Variants in CFAP61 observed in about 807,000 individuals in gnomAD.
The protein encoded by CFAP61 is cilia- and flagella-associated protein 61.
A neutral mutation model predicts 135.6 loss-of-function variants in CFAP61; 107 were observed. The observed-to-expected ratio is 0.79, with a 90% CI of 0.67 to 0.93. The LOEUF is 0.93. Among genes scored for constraint, CFAP61 ranks in the 40% least tolerant of loss-of-function variants. The pLI is 0.00. For missense variants in CFAP61, 1,507 were observed against 1,556.2 expected, an observed-to-expected ratio of 0.97 and a Z score of 0.53; for synonymous variants, 575 against 578.5, an observed-to-expected ratio of 0.99 and a Z score of 0.09.
chr20:20,197,588 C>T (rs1398445332), intron 16 of CFAP61, among the ~76,000 whole-genome samples: 4 of 152,094 alleles, frequency 2.6e-5, no homozygotes, highest in Non-Finnish European at 4.4e-5. Context: ...ATATACCACA[C>T]TCTCACACAC....
intron 25 of CFAP61, among the ~76,000 whole-genome samples, chr20:20,301,875 A>G (rs2056133949): frequency 6.6e-6 from 1 of 152,064 alleles, no homozygotes; most frequent in African/African-American, 2.4e-5. Context: ...GGTCTTGGGT[A>G]TTTTTGTCCT....
At chr20:20,081,378 T>G (rs1382022713) in intron 6 of CFAP61, among the ~76,000 whole-genome samples, 2 of 152,240 alleles carry the variant, frequency 1.3e-5, no homozygotes, top group Admixed American at 6.5e-5. Context: ...TTCAACTTAG[T>G]TATTCAGCAA....
At chr20:20,177,605 ATGTGCCAGCTTTATCCCAGGTGCTGGG>A (rs2054730065) in intron 13 of CFAP61, among the ~76,000 whole-genome samples, 1 of 151,626 alleles carries the variant, frequency 6.6e-6, no homozygotes, top group Admixed American at 6.6e-5. Flanking sequence ...GACTGCATAC[ATGTGCCAGCTTTATCCCAGGTGCTGGG>A]GAAACAGAAA....
At chr20:20,169,055 G>T (rs1013359019) in intron 12 of CFAP61, among the ~76,000 whole-genome samples, 30 of 152,148 alleles carry the variant, frequency 2.0e-4, no homozygotes, top group Non-Finnish European at 4.4e-5. Flanking sequence ...TTCCACAGAA[G>T]AGTTATGCTG....
At chr20:20,061,910 A>C (rs1319562713) in intron 2 of CFAP61, among the ~76,000 whole-genome samples, 2 of 152,144 alleles carry the variant, frequency 1.3e-5, no homozygotes, top group African/African-American at 4.8e-5. Context: ...ACTCCCAGCT[A>C]GGGCCCCTGC....
intron 7 of CFAP61, among the ~76,000 whole-genome samples, chr20:20,091,788 C>G (rs6106187): frequency 6.6e-6 from 1 of 152,148 alleles, no homozygotes; most frequent in Non-Finnish European, 1.5e-5. Flanking sequence ...AGCAATTCTC[C>G]TGCCTCAGCC....
intron 17 of CFAP61, among the ~76,000 whole-genome samples, chr20:20,201,946 A>C (rs1454973769): frequency 2.0e-5 from 3 of 152,148 alleles, no homozygotes; most frequent in South Asian, 2.1e-4. Flanking sequence ...GTTTTTATGA[A>C]TATGAAGCAG....
chr20:20,184,131 G>C (rs1404353011), intron 13 of CFAP61, among the ~76,000 whole-genome samples: 1 of 152,162 alleles, frequency 6.6e-6, no homozygotes, highest in African/African-American at 2.4e-5. Context: ...ACCATGATAT[G>C]GTCTGAGCTT....
intron 13 of CFAP61, among the ~76,000 whole-genome samples, chr20:20,185,997 A>G (rs528485699): frequency 1.4e-4 from 22 of 152,336 alleles, no homozygotes; most frequent in African/African-American, 4.1e-4. Context: ...GGCATTACAT[A>G]TATTTTTGTA....
At chr20:20,239,537 T>C (rs550256877) in intron 18 of CFAP61, among the ~76,000 whole-genome samples, 5 of 152,364 alleles carry the variant, frequency 3.3e-5, no homozygotes, top group East Asian at 1.9e-4. Flanking sequence ...AAATGTACTA[T>C]GCAGAGGCGA....
At chr20:20,307,977 T>A (rs2056581170) in intron 25 of CFAP61, among the ~76,000 whole-genome samples, 2 of 152,226 alleles carry the variant, frequency 1.3e-5, no homozygotes, top group Non-Finnish European at 2.9e-5. Flanking sequence ...CTGTTTGAGT[T>A]GTAAAGTGTG....
At chr20:20,349,936 C>T (rs186274358) in intron 26 of CFAP61, among the ~76,000 whole-genome samples, 47 of 152,222 alleles carry the variant, frequency 3.1e-4, no homozygotes, top group African/African-American at 1.1e-3. Context: ...CCAAAACTAT[C>T]CTGGAGGGAA....
chr20:20,256,657 G>A (rs1181582259), intron 20 of CFAP61, among the ~76,000 whole-genome samples: 1 of 152,226 alleles, frequency 6.6e-6, no homozygotes, highest in African/African-American at 2.4e-5. Context: ...CAGAAGCAGA[G>A]GACAAAGGGA....
intron 26 of CFAP61, among the ~76,000 whole-genome samples, chr20:20,352,583 G>A (rs535080745): frequency 1.6e-4 from 24 of 152,118 alleles, no homozygotes; most frequent in Non-Finnish European, 3.2e-4. Flanking sequence ...CACACAATGG[G>A]GAAAGGACAG....
intron 13 of CFAP61, among the ~76,000 whole-genome samples, chr20:20,176,964 ATTATT>A (rs915587504): frequency 2.6e-4 from 39 of 152,072 alleles, no homozygotes; most frequent in Admixed American, 1.8e-3. Context: ...TTCACTTTTT[ATTATT>A]TTATTTTATT....
chr20:20,249,037 A>G (rs6132276), intron 19 of CFAP61, among the ~76,000 whole-genome samples: 10,169 of 152,214 alleles, frequency 0.067, 1,137 homozygotes, highest in East Asian at 0.53. Flanking sequence ...CTGTTTTCGG[A>G]TGAAGCCTAG....
rs141651241 is a variant in CFAP61, at chr20:20,226,716, T to C, written c.1933-1533T>C. Among the ~76,000 whole-genome samples the C allele has an allele frequency of 1.1e-4, 16 of 152,298 alleles. No homozygotes were observed. The East Asian group carries it at 3.1e-3, about 29-fold the overall frequency. The stretch of plus-strand genomic sequence containing the variant: ...ATCTAGAAAACAAGAAGGCTTCTCT[T>C]CTTCAACTATCATGCAAAAGTCCTG... On this transcript the variant is annotated intron_variant, in intron 17 of 26. Coordinates refer to ENST00000245957, the MANE Select transcript of CFAP61 (RefSeq NM_015585.4).
At chr20:20,179,847 CCTTA>C (rs1179982275) in intron 13 of CFAP61, among the ~76,000 whole-genome samples, 2 of 152,158 alleles carry the variant, frequency 1.3e-5, no homozygotes, top group Non-Finnish European at 1.5e-5. Context: ...AAACTGGACA[CCTTA>C]CTTACACCAT....
rs549639649 is a variant in CFAP61, at chr20:20,313,168, A to T, written c.3422+14782A>T. Among the ~76,000 whole-genome samples, 110 of 152,046 alleles carry T rather than the reference A, an allele frequency of 7.2e-4. 1 individual carries two copies. Among genetic ancestry groups the T allele is most frequent in the African/African-American group, 2.6e-3 (108 of 41,484 alleles). On this transcript the variant is annotated intron_variant, in intron 25 of 26. Transcript: ENST00000245957. ...CTTAGGAGAGAAAGAGACAGATGTC[A>T]CTCTCTCTCTGTCTCTGATTCTCTC...
Sources: allele counts gnomAD v4.1 joint callset (sites outside exome capture counted in the v4.1 genomes callset), GRCh38; gene constraint gnomAD v4.1.1; transcripts MANE v1.5; gene names NCBI Gene and HGNC (gene_info 2026-07-23, HGNC 2026-07-21).